Variants in S100A5 observed in about 807,000 individuals in gnomAD.
S100A5 encodes protein S100-A5.
S100A5 carries 5 observed loss-of-function variants against 6.7 expected under a neutral mutation model. That is an observed-to-expected ratio of 0.75 (90% CI 0.39 to 1.57). S100A5 has a LOEUF of 1.57. Among genes scored for constraint, S100A5 ranks in the 40% most tolerant of loss-of-function variants. S100A5 has a pLI of 0.03. For synonymous variants in S100A5, 49 were observed against 44.9 expected, an observed-to-expected ratio of 1.09 and a Z score of -0.37; for missense variants, 129 against 110.8, an observed-to-expected ratio of 1.16 and a Z score of -0.74.
chr1:153,541,962 T>C (rs1665404188), upstream of S100A5: 1 of 911,036 alleles, frequency 1.1e-6, no homozygotes, highest in Non-Finnish European at 1.3e-6. Context: ...GGCTTTTAAA[T>C]GAACGATTTC....
intron 2 of S100A5, among the ~76,000 whole-genome samples, chr1:153,537,708 C>A (rs1196595897): frequency 3.3e-5 from 5 of 152,186 alleles, no homozygotes; most frequent in African/African-American, 7.2e-5. Context: ...TACTGTCCCC[C>A]AGCCAAAGAA....
chr1:153,539,986 G>T (rs925433277), intron 2 of S100A5, 68 bp downstream of exon 2: 28 of 1,575,396 alleles, frequency 1.8e-5, no homozygotes, highest in Non-Finnish European at 2.3e-5. Flanking sequence ...GGATCCTGAG[G>T]GTAGGTATGT....
In S100A5 at chr1:153,538,493, C is replaced by A. The variant is rs150541313; in HGVS notation, c.139-1057G>T. On this transcript the variant is annotated intron_variant, in intron 2 of 2. Transcript: ENST00000368717. The stretch of plus-strand genomic sequence containing the variant: ...TGTTATTGCCAGGCCCTCCTCTGGG[C>A]GTCTCTCCTTCTGTAATTAATCCCT... Among the ~76,000 whole-genome samples, 348 of 152,340 alleles carry A rather than the reference C, an allele frequency of 2.3e-3. 5 individuals are homozygous for A. The highest frequency in any genetic ancestry group is 8.0e-3 in the African/African-American group (333 of 41,574).
At chr1:153,539,423 T>C (rs1665295453) in intron 2 of S100A5, among the ~76,000 whole-genome samples, 1 of 27,560 alleles carries the variant, frequency 3.6e-5, no homozygotes, top group East Asian at 1.5e-3. Context: ...CGAGACTCTC[T>C]CAAAAAAAAA....
chr1:153,537,998 A>T (rs1235278698), intron 2 of S100A5, among the ~76,000 whole-genome samples: 2 of 151,912 alleles, frequency 1.3e-5, no homozygotes, highest in Admixed American at 1.3e-4. Context: ...AGTAAGTAAG[A>T]TCATGCCATT....
rs1553214691 is a variant in S100A5, at chr1:153,539,450, A to AAAT, written c.138+603_138+604insATT. Among the ~76,000 whole-genome samples the AAAT allele has an allele frequency of 3.5e-4, 11 of 31,194 alleles. 1 individual carries two copies. Among genetic ancestry groups the AAAT allele is most frequent in the Non-Finnish European group, 6.0e-4 (10 of 16,616 alleles). 20.5% of individuals were successfully genotyped at this position (31,194 alleles called of 152,430 possible). A position where few individuals can be genotyped will look rare whatever the true frequency, so the allele number is the denominator to read the frequency against. On this transcript the variant is annotated intron_variant, in intron 2 of 2. Transcript: ENST00000368717. The stretch of plus-strand genomic sequence containing the variant: ...AAAAAAAAAAAAAAAAAAAAAAAAA[A>AAAT]ATATATATATATATATATATATATA...
intron 2 of S100A5, among the ~76,000 whole-genome samples, chr1:153,539,477 T>TATATATATATATATATATATA (rs35924194): frequency 1.4e-5 from 1 of 73,034 alleles, no homozygotes; most frequent in African/African-American, 6.0e-5. Flanking sequence ...ATATATATAT[T>TATATATATATATATATATATA]TATTTATTTA....
At chr1:153,539,371 GA>G (rs1355549103) in intron 2 of S100A5, among the ~76,000 whole-genome samples, 4 of 132,376 alleles carry the variant, frequency 3.0e-5, no homozygotes, top group Non-Finnish European at 3.1e-5. Context: ...AGGTTGCAGT[GA>G]GCCAAGATCA....
chr1:153,541,947 T>A, upstream of S100A5: 1 of 956,704 alleles, frequency 1.0e-6, no homozygotes, highest in South Asian at 4.8e-5. Flanking sequence ...CAGAGGTTTT[T>A]AAAGGGCTTT....
rs1466889695 is a variant in S100A5, at chr1:153,540,785, G to C, written c.-179C>G. On this transcript the variant is annotated 5_prime_UTR_variant, in exon 1 of 3. Transcript: ENST00000368717. ...GGTCTCCAGACTCTGGCCCAGAGCA[G>C]TGCACACAGAGACGGGTCAGCGGGC... The C allele has an allele frequency of 1.2e-5, 2 of 162,398 alleles. No homozygotes were observed. Among genetic ancestry groups the C allele is most frequent in the East Asian group, 3.7e-4 (2 of 5,468 alleles). The allele number at this position is 162,398 out of a possible 1,614,324, so 10.1% of individuals were successfully genotyped here.
upstream of S100A5, among the ~76,000 whole-genome samples, chr1:153,542,514 C>T (rs746969912): frequency 3.9e-5 from 6 of 152,168 alleles, no homozygotes; most frequent in African/African-American, 1.2e-4. Flanking sequence ...TCAAACCCTG[C>T]GGGAACATCT....
At chr1:153,541,728 C>A (rs1665395518), upstream of S100A5, 3 of 1,141,336 alleles carry the variant, frequency 2.6e-6, no homozygotes, top group Non-Finnish European at 2.2e-6. Context: ...AGAAGGGAAA[C>A]CAGGCTGTCC....
intron 2 of S100A5, among the ~76,000 whole-genome samples, chr1:153,538,368 A>G (rs1309558814): frequency 1.3e-5 from 2 of 152,284 alleles, no homozygotes; most frequent in East Asian, 3.9e-4. Flanking sequence ...ATGTCTCCTC[A>G]TCATTGCCGT....
intron 2 of S100A5, among the ~76,000 whole-genome samples, chr1:153,539,284 G>A (rs888928192): frequency 7.3e-5 from 11 of 150,988 alleles, no homozygotes; most frequent in African/African-American, 2.4e-4. Context: ...AAAATTAGCT[G>A]GGCGTGATGG....
At position 153,537,384 on chromosome 1, in the gene S100A5, T is replaced by C. The variant is rs762270494; in HGVS notation, c.191A>G (p.Asp64Gly). 1.2e-5 allele frequency: 20 copies of C among 1,614,074 alleles called. No individual in the cohort carries two copies. In the South Asian group the frequency reaches 1.4e-4, roughly 12 times the overall value. ...DLMKSLDKNS[D>G]QEIDFKEYSV... is the part of the protein sequence containing the mutation. ...GTACTCCTTGAAGTCGATCTCCTGG[T>C]CGCTGTTCTTGTCCAGGCTCTTCAT... is the stretch of plus-strand genomic sequence containing the variant. The change falls in exon 3 of 3, where the codon GAC (aspartate) becomes GGC (glycine). Residue 64 changes from aspartate to glycine, a missense_variant. By Grantham distance (94) the Asp-to-Gly change is moderately conservative. Coordinates refer to ENST00000368717, the MANE Select transcript of S100A5 (RefSeq NM_001394232.1).
chr1:153,541,296 G>T, upstream of S100A5: 4 of 1,088,494 alleles, frequency 3.7e-6, no homozygotes, highest in Non-Finnish European at 5.2e-6. Flanking sequence ...AGGCCTCCTT[G>T]GTGGAGGTCA....
chr1:153,539,450 AATAT>A (rs1173862697), intron 2 of S100A5, among the ~76,000 whole-genome samples: 76 of 31,200 alleles, frequency 2.4e-3, no homozygotes, highest in East Asian at 0.018. Context: ...AAAAAAAAAA[AATAT>A]ATATATATAT....
chr1:153,537,248 C>G lies in S100A5; in HGVS notation c.*48G>C, dbSNP rs750529850. The G allele has an allele frequency of 6.3e-7, 1 of 1,591,588 alleles. No homozygotes were observed. The highest frequency in any genetic ancestry group is 2.3e-5 in the East Asian group (1 of 44,260). ...AAAGAGGGTCTGTGAGAGGAGCAGC[C>G]GAGGTCAGCAGCAAAGGGTGGAGGG... On this transcript the variant is annotated 3_prime_UTR_variant, in exon 3 of 3. Coordinates refer to ENST00000368717, the MANE Select transcript of S100A5 (RefSeq NM_001394232.1).
chr1:153,541,506 A>G (rs761171540), upstream of S100A5: 7 of 1,356,640 alleles, frequency 5.2e-6, no homozygotes, highest in East Asian at 4.6e-5. Context: ...GCCCATGAGA[A>G]GTTGTTGGGG....
Sources: allele counts gnomAD v4.1 joint callset (sites outside exome capture counted in the v4.1 genomes callset), GRCh38; gene constraint gnomAD v4.1.1; transcripts MANE v1.5; gene names NCBI Gene and HGNC (gene_info 2026-07-23, HGNC 2026-07-21).